HESX1: variants seen among roughly 807,000 people sequenced by gnomAD.
HESX1 encodes the protein HESX homeobox 1, also known as homeobox expressed in ES cells 1.
A neutral mutation model predicts 22.5 loss-of-function variants in HESX1; 11 were observed. That is an observed-to-expected ratio of 0.49 (90% CI 0.31 to 0.81). HESX1 has a LOEUF of 0.81. Ranked by LOEUF, HESX1 falls within the 30% of genes least tolerant of loss-of-function variation. HESX1 has a pLI of 0.05. For synonymous variants in HESX1, 74 were observed against 76.5 expected, an observed-to-expected ratio of 0.97 and a Z score of 0.17; for missense variants, 201 against 212.6, an observed-to-expected ratio of 0.95 and a Z score of 0.34.
At chr3:57,223,808 G>A (rs1174175246) in intron 1 of HESX1, among the ~76,000 whole-genome samples, 1 of 151,998 alleles carries the variant, frequency 6.6e-6, no homozygotes, top group African/African-American at 2.4e-5. Context: ...AGAATTTTTT[G>A]CATTATACAT....
intron 1 of HESX1, among the ~76,000 whole-genome samples, chr3:57,212,251 T>C (rs1352200117): frequency 6.7e-6 from 1 of 149,000 alleles, no homozygotes; most frequent in Non-Finnish European, 1.5e-5. Context: ...GACAAATGCA[T>C]TTTTATTTTT....
intron 1 of HESX1, among the ~76,000 whole-genome samples, chr3:57,215,552 T>A (rs1171078630): frequency 8.1e-6 from 1 of 123,090 alleles, no homozygotes; most frequent in Non-Finnish European, 1.7e-5. Flanking sequence ...GTGGATCACC[T>A]GAGGTCAGCA....
At chr3:57,210,685 A>C (rs1396917063) in intron 1 of HESX1, among the ~76,000 whole-genome samples, 1 of 152,272 alleles carries the variant, frequency 6.6e-6, no homozygotes, top group Non-Finnish European at 1.5e-5. Context: ...ATGGATGGAC[A>C]GATGGGACTA....
chr3:57,199,950 G>A lies in HESX1; in HGVS notation c.-32C>T. On this transcript the variant is annotated 5_prime_UTR_variant, in exon 1 of 4. Transcript: ENST00000295934. ...GTGGTCTGCACAGAGCAACAGCTCT[G>A]GCCTCTGCTGGCTCTGCCCCACGTG... 1 of 1,608,870 alleles carries A rather than the reference G, an allele frequency of 6.2e-7. No homozygotes were observed. Among genetic ancestry groups the A allele is most frequent in the Non-Finnish European group, 8.5e-7 (1 of 1,175,992 alleles).
rs1378649915 is a variant in HESX1 at position 57,198,382 on chromosome 3, GA to G, written c.459+8del. 6.3e-7 allele frequency: 1 copy of G among 1,577,408 alleles called. No individual in the cohort carries two copies. Among genetic ancestry groups the G allele is most frequent in the East Asian group, 2.2e-5 (1 of 44,578 alleles). On this transcript the variant is annotated splice_region_variant and intron_variant, in intron 3 of 3. Coordinates refer to ENST00000295934, the MANE Select transcript of HESX1 (RefSeq NM_003865.3). ...AACATCATGAATAACAACTAAATTT[GA>G]AAATTACCTGGATTCTGTCTTCCTC...
At chr3:57,223,699 C>G (rs1425517731) in intron 1 of HESX1, among the ~76,000 whole-genome samples, 1 of 152,172 alleles carries the variant, frequency 6.6e-6, no homozygotes, top group South Asian at 2.1e-4. Context: ...TTGAAATCTG[C>G]TCTTTCCTGA....
At chr3:57,224,198 G>C (rs954888787) in intron 1 of HESX1, among the ~76,000 whole-genome samples, 1 of 152,130 alleles carries the variant, frequency 6.6e-6, no homozygotes, top group Non-Finnish European at 1.5e-5. Flanking sequence ...TGCCCAGCCT[G>C]GTCTTGAACT....
At chr3:57,210,573 C>A (rs1172956265) in intron 1 of HESX1, among the ~76,000 whole-genome samples, 1 of 152,112 alleles carries the variant, frequency 6.6e-6, no homozygotes, top group Non-Finnish European at 1.5e-5. Flanking sequence ...AATGTGTTTT[C>A]TTAAATATAA....
chr3:57,203,563 G>A (rs376996954), upstream of HESX1, among the ~76,000 whole-genome samples: 1 of 150,034 alleles, frequency 6.7e-6, no homozygotes, highest in Admixed American at 6.7e-5. Flanking sequence ...TTTTGTTTTT[G>A]TTTTTTTTTG....
intron 1 of HESX1, among the ~76,000 whole-genome samples, chr3:57,211,619 T>A (rs1017057052): frequency 5.4e-5 from 8 of 147,024 alleles, no homozygotes; most frequent in Non-Finnish European, 1.0e-4. Flanking sequence ...GATCACAAGA[T>A]GTCAGGAGTT....
At chr3:57,199,049 G>C in intron 1 of HESX1, 97 bp from the exon 2 acceptor site, 1 of 1,153,690 alleles carries the variant, frequency 8.7e-7, no homozygotes. Context: ...TCATTTCCTA[G>C]TGGAATTCTG....
At chr3:57,211,144 G>A (rs955611291) in intron 1 of HESX1, among the ~76,000 whole-genome samples, 2 of 151,574 alleles carry the variant, frequency 1.3e-5, no homozygotes, top group Admixed American at 6.6e-5. Flanking sequence ...CTTGAACCCG[G>A]GAGGTGGAGG....
chr3:57,216,120 C>A (rs563913555), intron 1 of HESX1, among the ~76,000 whole-genome samples: 1 of 152,108 alleles, frequency 6.6e-6, no homozygotes, highest in East Asian at 1.9e-4. Context: ...ATCATCAAAC[C>A]CCATCAAGTT....
At chr3:57,202,431 G>A (rs2060495802), upstream of HESX1, among the ~76,000 whole-genome samples, 1 of 152,008 alleles carries the variant, frequency 6.6e-6, no homozygotes, top group Non-Finnish European at 1.5e-5. Context: ...CACCTCCTGG[G>A]TTCAAGCAGT....
At chr3:57,216,776 A>G (rs537706315) in intron 1 of HESX1, among the ~76,000 whole-genome samples, 1 of 152,244 alleles carries the variant, frequency 6.6e-6, no homozygotes, top group South Asian at 2.1e-4. Flanking sequence ...TTTGATTAAG[A>G]TGGTGTCTGC....
chr3:57,220,270 TA>T (rs1477951606), intron 1 of HESX1, among the ~76,000 whole-genome samples: 1 of 152,238 alleles, frequency 6.6e-6, no homozygotes, highest in Non-Finnish European at 1.5e-5. Context: ...AGTCATTTTT[TA>T]TGACTTTTTT....
chr3:57,219,935 A>G, intron 1 of HESX1, among the ~76,000 whole-genome samples: 1 of 152,114 alleles, frequency 6.6e-6, no homozygotes, highest in Middle Eastern at 3.2e-3. Context: ...CCACAACGGT[A>G]TTGCCTAGGT....
upstream of HESX1, among the ~76,000 whole-genome samples, chr3:57,227,198 C>T (rs142204879): frequency 2.6e-5 from 4 of 152,258 alleles, no homozygotes; most frequent in East Asian, 7.7e-4. Flanking sequence ...ACTGAATATA[C>T]TGATATTCAA....
chr3:57,216,197 C>T (rs2060581783), intron 1 of HESX1, among the ~76,000 whole-genome samples: 1 of 152,226 alleles, frequency 6.6e-6, no homozygotes, highest in South Asian at 2.1e-4. Context: ...ACATTGTCTT[C>T]AATTGTGTCT....
Sources: allele counts gnomAD v4.1 joint callset (sites outside exome capture counted in the v4.1 genomes callset), GRCh38; gene constraint gnomAD v4.1.1; transcripts MANE v1.5; gene names NCBI Gene and HGNC (gene_info 2026-07-23, HGNC 2026-07-21).